Variants in RANBP2 observed in about 807,000 individuals in gnomAD.
RANBP2 encodes E3 SUMO-protein ligase RanBP2.
A neutral mutation model predicts 303.6 loss-of-function variants in RANBP2; 57 were observed. The ratio of observed to expected loss-of-function variants is 0.19; its 90% confidence interval spans 0.15 to 0.23. RANBP2 has a LOEUF of 0.23. Ranked by LOEUF, RANBP2 falls within the 10% of genes least tolerant of loss-of-function variation. The probability of loss-of-function intolerance (pLI) is 1.00; values close to 1 mark genes in which losing one functional copy is unlikely to be tolerated. For synonymous variants in RANBP2, 1,167 were observed against 1,301.5 expected (o/e 0.90, Z 2.23); for missense variants, 3,138 against 3,780.8 (o/e 0.83, Z 4.46).
At chr2:109,653,250 C>T in the RANBP2 span, among the ~76,000 whole-genome samples, 1 of 152,210 alleles carries the variant, frequency 6.6e-6, no homozygotes, top group Admixed American at 6.5e-5. Flanking sequence ...CAAAAATTAG[C>T]TGGCCGTGGT....
chr2:109,727,510 T>A, the RANBP2 span, among the ~76,000 whole-genome samples: 1 of 152,178 alleles, frequency 6.6e-6, no homozygotes. Flanking sequence ...GCTCAATGGA[T>A]CCTTTATTCC....
At chr2:109,157,081 G>C in the RANBP2 span, among the ~76,000 whole-genome samples, 1 of 152,164 alleles carries the variant, frequency 6.6e-6, no homozygotes, top group African/African-American at 2.4e-5. Flanking sequence ...GGTAAACACA[G>C]GTGGCTCCAG....
the RANBP2 span, among the ~76,000 whole-genome samples, chr2:109,267,654 C>T: frequency 6.6e-6 from 1 of 152,210 alleles, no homozygotes; most frequent in Non-Finnish European, 1.5e-5. Context: ...CCAGCTGCCA[C>T]CCCTGAGGTC....
the RANBP2 span, among the ~76,000 whole-genome samples, chr2:109,103,129 G>A: frequency 6.6e-6 from 1 of 152,222 alleles, no homozygotes; most frequent in Admixed American, 6.5e-5. Flanking sequence ...CCTGGCTGAC[G>A]AGTCCCCTGG....
chr2:109,648,651 TC>T, the RANBP2 span, among the ~76,000 whole-genome samples: 1 of 115,360 alleles, frequency 8.7e-6, no homozygotes, highest in Non-Finnish European at 1.8e-5. Context: ...CTGATTTACA[TC>T]TTTTTTTTTT....
the RANBP2 span, among the ~76,000 whole-genome samples, chr2:109,078,096 A>ATATATATAGATAGCGTG: frequency 4.9e-4 from 27 of 54,636 alleles, 2 homozygotes; most frequent in East Asian, 0.032. Context: ...ATATATATAT[A>ATATATATAGATAGCGTG]TATATATATA....
chr2:109,737,313 G>A, the RANBP2 span: 1 of 675,062 alleles, frequency 1.5e-6, no homozygotes, highest in Non-Finnish European at 2.7e-6. Flanking sequence ...ATGTCACGGT[G>A]ATCTTGCTCT....
At chr2:109,408,023 C>CCTT in the RANBP2 span, among the ~76,000 whole-genome samples, 3 of 152,146 alleles carry the variant, frequency 2.0e-5, no homozygotes, top group South Asian at 4.2e-4. Flanking sequence ...TGGGCAGAGT[C>CCTT]AGGAAAGATC....
At chr2:109,436,427 G>A in the RANBP2 span, among the ~76,000 whole-genome samples, 2 of 152,232 alleles carry the variant, frequency 1.3e-5, no homozygotes, top group Non-Finnish European at 2.9e-5. Context: ...ATGTCGTGCT[G>A]TGTGTGCCCT....
At chr2:108,847,536 T>C in the RANBP2 span, among the ~76,000 whole-genome samples, 6 of 152,196 alleles carry the variant, frequency 3.9e-5, no homozygotes, top group African/African-American at 1.4e-4. Flanking sequence ...TATATAATAG[T>C]GAATAAGGAA....
chr2:109,343,079 C>T, the RANBP2 span, among the ~76,000 whole-genome samples: 1 of 152,302 alleles, frequency 6.6e-6, no homozygotes, highest in East Asian at 1.9e-4. Context: ...AGAAAGCAAA[C>T]AGGCTCTGGA....
downstream of RANBP2, chr2:108,786,779 G>A (rs747824731): frequency 2.0e-6 from 3 of 1,531,628 alleles, no homozygotes; most frequent in East Asian, 2.4e-5. Flanking sequence ...CCGCGGGTTT[G>A]ATGAACGCGG....
intron 25 of RANBP2, among the ~76,000 whole-genome samples, chr2:108,779,423 C>T: frequency 6.6e-6 from 1 of 151,934 alleles, no homozygotes; most frequent in Non-Finnish European, 1.5e-5. Flanking sequence ...CCTCGGCCTC[C>T]TAAAGTGCTG....
At chr2:109,443,616 CAGAT>C in the RANBP2 span, among the ~76,000 whole-genome samples, 17 of 152,092 alleles carry the variant, frequency 1.1e-4, no homozygotes, top group Non-Finnish European at 2.2e-4. Context: ...TTATCTTAAT[CAGAT>C]AGAGCAGAAT....
chr2:109,141,329 G>C, the RANBP2 span, among the ~76,000 whole-genome samples: 1 of 152,158 alleles, frequency 6.6e-6, no homozygotes, highest in African/African-American at 2.4e-5. Context: ...CTTTCTGGAG[G>C]CAGCCTCTCG....
the RANBP2 span, among the ~76,000 whole-genome samples, chr2:109,245,097 A>G: frequency 6.6e-6 from 1 of 152,146 alleles, no homozygotes; most frequent in Non-Finnish European, 1.5e-5. Context: ...GAGTGTGCCC[A>G]GTTCTCAGCA....
the RANBP2 span, among the ~76,000 whole-genome samples, chr2:109,259,381 G>C: frequency 5.3e-3 from 803 of 152,312 alleles, 8 homozygotes; most frequent in African/African-American, 0.018. Context: ...CTACATACCT[G>C]CATGCAAGGG....
chr2:109,718,760 A>C, the RANBP2 span, among the ~76,000 whole-genome samples: 1 of 152,252 alleles, frequency 6.6e-6, no homozygotes, highest in Non-Finnish European at 1.5e-5. Flanking sequence ...CAGGCAGATC[A>C]TGAGGTCAGG....
In RANBP2 at chr2:108,775,864, T is replaced by G; in HGVS notation, c.8425T>G (p.Ser2809Ala). ...ITKSISSPSVSSETMDKPVDL... is the reference protein window; with the variant it reads ...ITKSISSPSVASETMDKPVDL... Reference sequence around the variant, plus strand: ...CAAATCCATTAGTTCACCATCTGTTTCCTCTGAAACTATGGACAAACCTGT... The same window carrying G: ...CAAATCCATTAGTTCACCATCTGTTGCCTCTGAAACTATGGACAAACCTGT... The change falls in exon 24 of 29, where the codon TCC (serine) becomes GCC (alanine). Residue 2809 changes from serine to alanine, a missense_variant. Ser to Ala is a moderately conservative substitution (Grantham distance 99). Around this residue, in one of 20 missense-constraint regions of RANBP2, gnomAD observed 497 missense variants for 465.8 expected, o/e 1.07. Transcript: ENST00000283195. 1 of 1,613,552 alleles carries G rather than the reference T, an allele frequency of 6.2e-7. No homozygotes were observed. The highest frequency in any genetic ancestry group is 8.5e-7 in the Non-Finnish European group (1 of 1,179,922).
Sources: gnomAD v4.1 joint callset for allele counts (sites outside exome capture counted in the v4.1 genomes callset) on GRCh38, gnomAD v4.1.1 for gene constraint, gnomAD v4.1.1 regional missense constraint, MANE v1.5 for transcripts, NCBI Gene and HGNC (gene_info 2026-07-23, HGNC 2026-07-21) for gene names.